NEGR1: variants seen among roughly 807,000 people sequenced by gnomAD.
NEGR1 encodes neuronal growth regulator 1.
NEGR1 carries 10 observed loss-of-function variants against 40.9 expected under a neutral mutation model. The observed-to-expected ratio is 0.24, with a 90% CI of 0.15 to 0.42. The LOEUF is 0.42. NEGR1 is among the 10% of genes least tolerant of loss of function. The pLI is 1.00. For missense variants in NEGR1, 352 were observed against 438.9 expected (o/e 0.80, Z 1.77); for synonymous variants, 185 against 166.8 (o/e 1.11, Z -0.84).
At chr1:71,846,676 A>T (rs1659425372) in intron 2 of NEGR1, among the ~76,000 whole-genome samples, 1 of 152,156 alleles carries the variant, frequency 6.6e-6, no homozygotes, top group Non-Finnish European at 1.5e-5. Flanking sequence ...GTAACTTAGA[A>T]ATATATCACA....
chr1:71,415,012 G>A (rs1569845095), intron 6 of NEGR1, among the ~76,000 whole-genome samples: 1 of 152,014 alleles, frequency 6.6e-6, no homozygotes, highest in African/African-American at 2.4e-5. Flanking sequence ...CAGCTTTCCC[G>A]TTTGTCTTCT....
chr1:71,742,832 G>T (rs1028487098), intron 3 of NEGR1, among the ~76,000 whole-genome samples: 1 of 152,130 alleles, frequency 6.6e-6, no homozygotes, highest in Non-Finnish European at 1.5e-5. Context: ...AAGTGAAAAG[G>T]ACATGAATTG....
At position 71,703,479 on chromosome 1, in the gene NEGR1, G is replaced by C. The variant is rs370202263; in HGVS notation, c.536-5340C>G. On this transcript the variant is annotated intron_variant, in intron 3 of 6. Coordinates refer to ENST00000357731, the MANE Select transcript of NEGR1 (RefSeq NM_173808.3). ...CTAGTGGAAAAACAGTCAATAGAAAGAGACCTAGAAATGAAAAAAAAAAAA... is the reference window on the plus strand; with the variant it reads ...CTAGTGGAAAAACAGTCAATAGAAACAGACCTAGAAATGAAAAAAAAAAAA... 6.5e-5 allele frequency: 9 copies of C among 138,840 alleles called. No homozygotes were observed. The East Asian group carries it at 1.9e-3, about 29-fold the overall frequency. 8.6% of individuals were successfully genotyped at this position (138,840 alleles called of 1,614,324 possible).
intron 6 of NEGR1, among the ~76,000 whole-genome samples, chr1:71,414,864 A>G (rs1460450466): frequency 1.3e-5 from 2 of 152,190 alleles, no homozygotes; most frequent in East Asian, 3.8e-4. Context: ...GCAGAGAGGT[A>G]AACATACCAT....
At chr1:72,128,699 T>A (rs894066167) in intron 1 of NEGR1, among the ~76,000 whole-genome samples, 1 of 152,170 alleles carries the variant, frequency 6.6e-6, no homozygotes, top group African/African-American at 2.4e-5. Context: ...ACGTGTCAAC[T>A]TCACCGAACC....
At chr1:71,602,118 C>A (rs189332872) in intron 5 of NEGR1, among the ~76,000 whole-genome samples, 1 of 152,056 alleles carries the variant, frequency 6.6e-6, no homozygotes, top group Non-Finnish European at 1.5e-5. Context: ...CCCTAAGGTG[C>A]CTTTCTAGCC....
chr1:72,161,078 A>G (rs1651538840), intron 1 of NEGR1, among the ~76,000 whole-genome samples: 1 of 152,148 alleles, frequency 6.6e-6, no homozygotes, highest in South Asian at 2.1e-4. Context: ...TTGTTTCAGG[A>G]ACTCCAGAAC....
At chr1:71,756,821 A>C (rs1369675010) in intron 3 of NEGR1, among the ~76,000 whole-genome samples, 1 of 151,786 alleles carries the variant, frequency 6.6e-6, no homozygotes, top group Non-Finnish European at 1.5e-5. Context: ...ACTGAATTAC[A>C]TTCAAATCAA....
At chr1:72,054,667 CT>C (rs1410416983) in intron 1 of NEGR1, among the ~76,000 whole-genome samples, 1 of 151,150 alleles carries the variant, frequency 6.6e-6, no homozygotes, top group Admixed American at 6.6e-5. Context: ...CACATGGTAT[CT>C]CATTACAAAT....
intron 1 of NEGR1, among the ~76,000 whole-genome samples, chr1:72,185,982 T>C (rs576472993): frequency 1.3e-5 from 2 of 151,920 alleles, no homozygotes; most frequent in African/African-American, 4.8e-5. Context: ...TACTGTGAAA[T>C]ATAGAAAATA....
At chr1:71,710,644 G>A (rs1219078998) in intron 3 of NEGR1, among the ~76,000 whole-genome samples, 2 of 152,106 alleles carry the variant, frequency 1.3e-5, no homozygotes, top group Non-Finnish European at 2.9e-5. Flanking sequence ...ACAATCGCAT[G>A]TTCTCACTTA....
At chr1:71,881,104 T>C (rs1216832042) in intron 2 of NEGR1, among the ~76,000 whole-genome samples, 1 of 152,030 alleles carries the variant, frequency 6.6e-6, no homozygotes, top group Non-Finnish European at 1.5e-5. Flanking sequence ...AAGAAAGTTG[T>C]GTTCAGTCAA....
intron 6 of NEGR1, among the ~76,000 whole-genome samples, chr1:71,586,055 T>C (rs1196526376): frequency 6.6e-6 from 1 of 152,124 alleles, no homozygotes; most frequent in Non-Finnish European, 1.5e-5. Context: ...TTTTCCCCTA[T>C]TTTATAGGTC....
At chr1:71,699,110 T>C (rs1475584738) in intron 3 of NEGR1, among the ~76,000 whole-genome samples, 4 of 152,008 alleles carry the variant, frequency 2.6e-5, no homozygotes. Flanking sequence ...TTCCATTAAA[T>C]TGTTTGTTTT....
chr1:72,078,176 G>C (rs1044153312), intron 1 of NEGR1, among the ~76,000 whole-genome samples: 1 of 152,078 alleles, frequency 6.6e-6, no homozygotes, highest in Non-Finnish European at 1.5e-5. Flanking sequence ...TTAACCTAAA[G>C]AGTTATCTAA....
Position 72,273,551 on chromosome 1 carries a change from C to T in NEGR1, c.176+8768G>A, listed in dbSNP as rs537253481. Among the ~76,000 whole-genome samples, 4 of 151,794 alleles carry T rather than the reference C, an allele frequency of 2.6e-5. No individual in the cohort carries two copies. The East Asian group carries it at 7.8e-4, about 29-fold the overall frequency. ...GCACTTCAAACTTTTCTGCTTAAACCGACAGTAAGAATACCCTTGAAATCT... is the reference window on the plus strand; with the variant it reads ...GCACTTCAAACTTTTCTGCTTAAACTGACAGTAAGAATACCCTTGAAATCT... On this transcript the variant is annotated intron_variant, in intron 1 of 6. Transcript: ENST00000357731.
chr1:72,152,623 G>A (rs116081216), intron 1 of NEGR1, among the ~76,000 whole-genome samples: 1,908 of 151,808 alleles, frequency 0.013, 42 homozygotes, highest in African/African-American at 0.044. Context: ...AATCCTACTC[G>A]GAATTATATA....
chr1:71,723,671 T>C lies in NEGR1; in HGVS notation c.536-25532A>G, dbSNP rs540751445. ...CCCATCTCACTATTCACTTGTATCGTTTATAATAAATTGAAGTGCCTTACA... is the reference window on the plus strand; with the variant it reads ...CCCATCTCACTATTCACTTGTATCGCTTATAATAAATTGAAGTGCCTTACA... On this transcript the variant is annotated intron_variant, in intron 3 of 6. Transcript: ENST00000357731. 1.2e-4 allele frequency among the ~76,000 whole-genome samples: 18 copies of C among 152,120 alleles called. No homozygotes were observed. The East Asian group carries it at 2.7e-3, about 23-fold the overall frequency.
chr1:71,647,829 C>T (rs980684249), intron 4 of NEGR1, among the ~76,000 whole-genome samples: 5 of 151,994 alleles, frequency 3.3e-5, no homozygotes, highest in African/African-American at 1.2e-4. Context: ...TACCTACAAA[C>T]ATTAAACAGC....
Sources: allele counts gnomAD v4.1 joint callset (sites outside exome capture counted in the v4.1 genomes callset), GRCh38; gene constraint gnomAD v4.1.1; transcripts MANE v1.5; gene names NCBI Gene and HGNC (gene_info 2026-07-23, HGNC 2026-07-21).